The following BIRC6 variants were observed in gnomAD, a reference collection of about 807,000 sequenced individuals.
The protein encoded by BIRC6 is baculoviral IAP repeat containing 6.
In BIRC6, 98 loss-of-function variants were observed where a neutral mutation model predicts 503.3. The observed-to-expected ratio is 0.19, with a 90% CI of 0.17 to 0.23. The LOEUF is 0.23. Among genes scored for constraint, BIRC6 ranks in the 10% least tolerant of loss-of-function variants. The pLI, the probability that BIRC6 is intolerant of heterozygous loss-of-function variation, is 1.00. For synonymous variants in BIRC6, 2,240 were observed against 2,078.7 expected (o/e 1.08, Z -2.11); for missense variants, 5,360 against 5,806.0 (o/e 0.92, Z 2.50).
chr2:32,463,202 T>C lies in BIRC6; in HGVS notation c.4762T>C (p.Phe1588Leu). 4 of 1,609,746 alleles carry C rather than the reference T, an allele frequency of 2.5e-6. No individual in the cohort carries two copies. Among genetic ancestry groups the C allele is most frequent in the Non-Finnish European group, 3.4e-6 (4 of 1,178,378 alleles). ...RIERDDAMSS[F>L]GVTPAVGGLS... is the part of the protein sequence containing the mutation. Reference sequence around the variant, plus strand: ...CCCTTGTCTTATGCCAGTGAGTTCCTTCGGGGTTACTCCTGCAGTAGGTGG... The same window carrying C: ...CCCTTGTCTTATGCCAGTGAGTTCCCTCGGGGTTACTCCTGCAGTAGGTGG... Residue 1588 changes from phenylalanine to leucine, a missense_variant, in exon 24 of 74, where the codon TTC becomes CTC. By Grantham distance (22) the Phe-to-Leu change is conservative. Coordinates refer to ENST00000421745, the MANE Select transcript of BIRC6 (RefSeq NM_016252.4).
intron 3 of BIRC6, 125 bp downstream of exon 3, chr2:32,380,415 A>C: frequency 1.6e-5 from 20 of 1,260,356 alleles, no homozygotes; most frequent in Non-Finnish European, 2.0e-5. Flanking sequence ...AAAAAGCAGA[A>C]TGTGCTTATA....
intron 72 of BIRC6, among the ~76,000 whole-genome samples, chr2:32,609,120 G>A (rs948449855): frequency 2.6e-5 from 4 of 152,080 alleles, no homozygotes; most frequent in Non-Finnish European, 4.4e-5. Context: ...CTGACCTCAG[G>A]TGATCCGCCC....
chr2:32,559,583 T>A (rs2059012879), intron 65 of BIRC6, among the ~76,000 whole-genome samples: 1 of 152,138 alleles, frequency 6.6e-6, no homozygotes, highest in Non-Finnish European at 1.5e-5. Flanking sequence ...TTATTATCTT[T>A]ATCCATTCTT....
In BIRC6 at chr2:32,500,065, C is replaced by G. The variant is rs1286106891; in HGVS notation, c.8987C>G (p.Ser2996Cys). 1 of 1,613,706 alleles carries G rather than the reference C, an allele frequency of 6.2e-7. No homozygotes were observed. Among genetic ancestry groups the G allele is most frequent in the Admixed American group, 1.7e-5 (1 of 60,012 alleles). The change falls in exon 46 of 74, where the codon TCT (serine) becomes TGT (cysteine). Residue 2996 changes from serine (S) to cysteine (C), a missense_variant. Around this residue, in one of 16 missense-constraint regions of BIRC6, gnomAD observed 2,299 missense variants for 2,267.2 expected, o/e 1.01. Coordinates refer to ENST00000421745, the MANE Select transcript of BIRC6 (RefSeq NM_016252.4). ...CAACAAATTATGAGCCAGATTTTGT[C>G]TGCTCTGGGCCTGTGTAATAGCAGT... The part of the protein sequence containing the change: ...ANQQIMSQIL[S>C]ALGLCNSSAM...
Position 32,617,699 on chromosome 2 carries a change from A to T in BIRC6, c.14395-26A>T, listed in dbSNP as rs368210349. The T allele has an allele frequency of 1.9e-6, 3 of 1,604,396 alleles. No homozygotes were observed. In the African/African-American group the frequency reaches 4.0e-5, roughly 21 times the overall value. On this transcript the variant is annotated intron_variant, in intron 73 of 73. Coordinates refer to ENST00000421745, the MANE Select transcript of BIRC6 (RefSeq NM_016252.4). ...GTTGTGCTAGAGGGTTTGCAGTTCT[A>T]ACATTAGTCCTTTTCTCCTGCATAG...
chr2:32,501,911 T>G, intron 47 of BIRC6, 23 bp downstream of exon 47: 4 of 1,571,000 alleles, frequency 2.5e-6, no homozygotes, highest in Middle Eastern at 1.7e-4. Context: ...CAACAACAGT[T>G]GCAGTGATTC....
At chr2:32,397,190 G>A (rs1419335128) in intron 6 of BIRC6, among the ~76,000 whole-genome samples, 1 of 151,826 alleles carries the variant, frequency 6.6e-6, no homozygotes, top group Non-Finnish European at 1.5e-5. Context: ...GAAGCTGTGG[G>A]CCAGGCATGG....
chr2:32,382,369 C>G (rs1205927489), intron 3 of BIRC6, among the ~76,000 whole-genome samples: 2 of 152,208 alleles, frequency 1.3e-5, no homozygotes, highest in Non-Finnish European at 2.9e-5. Flanking sequence ...CAAACCAAAA[C>G]AAAATGCTGA....
intron 53 of BIRC6, among the ~76,000 whole-genome samples, chr2:32,511,566 A>T (rs980485934): frequency 7.2e-6 from 1 of 139,634 alleles, no homozygotes; most frequent in Non-Finnish European, 1.5e-5. Context: ...TCCTGACCTC[A>T]TGATCCGCCC....
intron 65 of BIRC6, among the ~76,000 whole-genome samples, chr2:32,567,985 ACCTG>A (rs1216410109): frequency 6.6e-6 from 1 of 152,018 alleles, no homozygotes; most frequent in Non-Finnish European, 1.5e-5. Context: ...GGTGGCGGGC[ACCTG>A]TACTCCCAGC....
In BIRC6 at chr2:32,416,101, A is replaced by C. The variant is rs2042347388; in HGVS notation, c.2810A>C (p.Gln937Pro). The change falls in exon 10 of 74, where the codon CAG becomes CCG. Residue 937 changes from glutamine to proline, a missense_variant. Around this residue, in one of 16 missense-constraint regions of BIRC6, gnomAD observed 700 missense variants for 739.3 expected, o/e 0.95. Transcript: ENST00000421745. ...CCCAAAAAGGAGGGCACTGAGGAACAGGACACATTTGTTTCTGTGATTTAC... is the reference window on the plus strand; with the variant it reads ...CCCAAAAAGGAGGGCACTGAGGAACCGGACACATTTGTTTCTGTGATTTAC... ...EPPKKEGTEE[Q>P]DTFVSVIYCS... is the part of the protein sequence containing the mutation. 5 of 1,613,784 alleles carry C rather than the reference A, an allele frequency of 3.1e-6. No homozygotes were observed. The East Asian group carries it at 1.1e-4, about 36-fold the overall frequency.
Position 32,445,665 on chromosome 2 carries a change from C to T in BIRC6, c.4481C>T (p.Thr1494Ile). 1 of 1,542,058 alleles carries T rather than the reference C, an allele frequency of 6.5e-7. No homozygotes were observed. The highest frequency in any genetic ancestry group is 1.3e-5 in the South Asian group (1 of 79,760). Reference protein sequence around the residue: ...RLTPMEALLQTRYGLYSSPFD... With the variant: ...RLTPMEALLQIRYGLYSSPFD... ...ACACCAATGGAGGCTTTACTTCAGA[C>T]AAGGTATTTTAGTATATCTAATGAC... is the stretch of plus-strand genomic sequence containing the variant. Residue 1494 changes from threonine (T) to isoleucine (I), a missense_variant, in exon 21 of 74, where the codon ACA (threonine) becomes ATA (isoleucine). Thr to Ile is a moderately conservative substitution (Grantham distance 89, BLOSUM62 -1). Coordinates refer to ENST00000421745, the MANE Select transcript of BIRC6 (RefSeq NM_016252.4).
At position 32,436,203 on chromosome 2, in the gene BIRC6, C is replaced by G; in HGVS notation, c.3631+19C>G. On this transcript the variant is annotated intron_variant, in intron 15 of 73. Coordinates refer to ENST00000421745, the MANE Select transcript of BIRC6 (RefSeq NM_016252.4). ...GTTAAAGGTGAAGTAATACATTTTACAAAAGCAGAATTAATAATACCACAG... is the reference window on the plus strand; with the variant it reads ...GTTAAAGGTGAAGTAATACATTTTAGAAAAGCAGAATTAATAATACCACAG... The G allele has an allele frequency of 7.3e-7, 1 of 1,375,352 alleles. No homozygotes were observed. 85.2% of individuals were successfully genotyped at this position (1,375,352 alleles called of 1,614,324 possible).
chr2:32,391,659 G>C (rs548431766), intron 4 of BIRC6, among the ~76,000 whole-genome samples: 25 of 152,216 alleles, frequency 1.6e-4, no homozygotes, highest in African/African-American at 5.8e-4. Flanking sequence ...AATAAGCTTT[G>C]CTTATCAATC....
intron 45 of BIRC6, among the ~76,000 whole-genome samples, chr2:32,494,246 T>G (rs2149368376): frequency 6.6e-6 from 1 of 151,992 alleles, no homozygotes; most frequent in East Asian, 1.9e-4. Flanking sequence ...TTTTTTTTTT[T>G]GACACAGAGT....
chr2:32,481,867 T>C (rs2050441095), intron 38 of BIRC6, among the ~76,000 whole-genome samples: 1 of 152,210 alleles, frequency 6.6e-6, no homozygotes, highest in African/African-American at 2.4e-5. Flanking sequence ...ACATTACCAC[T>C]AATGCAACTC....
At chr2:32,517,674 T>A (rs1223680527) in intron 55 of BIRC6, among the ~76,000 whole-genome samples, 2 of 152,106 alleles carry the variant, frequency 1.3e-5, no homozygotes, top group Admixed American at 1.3e-4. Context: ...ACTTTCGGGC[T>A]CAAGAAGTCC....
At position 32,501,861 on chromosome 2, in the gene BIRC6, C is replaced by T; in HGVS notation, c.9180C>T (p.Tyr3060=). Residue 3060 remains tyrosine, a synonymous_variant, in exon 47 of 74, where the codon TAC becomes TAT. Transcript: ENST00000421745. The part of the protein sequence containing the change: ...VHMMLQPILT[Y]MACGYMGRQG... The stretch of plus-strand genomic sequence containing the variant: ...TGATGCTGCAGCCAATTTTAACATA[C>T]ATGGCCTGTGGATATATGGGCAGAC... 6.2e-7 allele frequency: 1 copy of T among 1,612,730 alleles called. No individual in the cohort carries two copies. The highest frequency in any genetic ancestry group is 8.5e-7 in the Non-Finnish European group (1 of 1,179,530).
At chr2:32,610,699 A>C (rs1425712624) in intron 72 of BIRC6, among the ~76,000 whole-genome samples, 3 of 152,188 alleles carry the variant, frequency 2.0e-5, no homozygotes, top group African/African-American at 4.8e-5. Flanking sequence ...TAATTTTCCA[A>C]GTGTCTGACC....
Sources: allele counts gnomAD v4.1 joint callset (sites outside exome capture counted in the v4.1 genomes callset), GRCh38; gene constraint gnomAD v4.1.1; regional missense constraint gnomAD v4.1.1; transcripts MANE v1.5; gene names NCBI Gene and HGNC (gene_info 2026-07-23, HGNC 2026-07-21).